Variants in LRRTM4 observed in about 807,000 individuals in gnomAD.
LRRTM4 encodes the protein leucine-rich repeat transmembrane neuronal protein 4.
In LRRTM4, 25 loss-of-function variants were observed where a neutral mutation model predicts 47.6. The ratio of observed to expected loss-of-function variants is 0.53; its 90% CI spans 0.38 to 0.73. The LOEUF is 0.73. Ranked by LOEUF, LRRTM4 falls within the 30% of genes least tolerant of loss-of-function variation. The pLI, the probability that LRRTM4 is intolerant of heterozygous loss-of-function variation, is 0.00. For synonymous variants in LRRTM4, 311 were observed against 269.5 expected, an observed-to-expected ratio of 1.15 and a Z score of -1.51; for missense variants, 638 against 713.4, an observed-to-expected ratio of 0.89 and a Z score of 1.20.
intron 3 of LRRTM4, among the ~76,000 whole-genome samples, chr2:76,963,206 A>T (rs934695634): frequency 6.6e-6 from 1 of 151,010 alleles, no homozygotes; most frequent in African/African-American, 2.4e-5. Context: ...AATGATTACT[A>T]AAAAAGTAAA....
rs139696479 is a variant in LRRTM4, at chr2:77,148,546, G to A, written c.1551+369772C>T. Among the ~76,000 whole-genome samples the A allele has an allele frequency of 1.0e-3, 157 of 152,160 alleles. 2 individuals are homozygous for A. In the East Asian group the frequency reaches 0.03, roughly 29 times the overall value. Reference sequence around the variant, plus strand: ...GTTGCATTTGAACATTATAAATGAAGCCAACCCTTAACTTGTTGCATCTTC... The same window carrying A: ...GTTGCATTTGAACATTATAAATGAAACCAACCCTTAACTTGTTGCATCTTC... On this transcript the variant is annotated intron_variant, in intron 3 of 3. Transcript: ENST00000409884.
chr2:77,255,190 C>T (rs950734234), intron 3 of LRRTM4, among the ~76,000 whole-genome samples: 1 of 151,952 alleles, frequency 6.6e-6, no homozygotes, highest in Non-Finnish European at 1.5e-5. Flanking sequence ...AAAGTCATTA[C>T]ATAGCGATAA....
At chr2:77,070,357 GAC>G (rs1176577301) in intron 3 of LRRTM4, among the ~76,000 whole-genome samples, 4 of 151,980 alleles carry the variant, frequency 2.6e-5, no homozygotes, top group East Asian at 1.9e-4. Flanking sequence ...TTTATTGAGA[GAC>G]AAATTTTCAG....
chr2:77,205,200 G>A (rs1344899267), intron 3 of LRRTM4, among the ~76,000 whole-genome samples: 1 of 152,182 alleles, frequency 6.6e-6, no homozygotes, highest in Admixed American at 6.5e-5. Flanking sequence ...ATGCCCCAGT[G>A]AACATGATAA....
At chr2:76,757,167 C>T (rs1573056051) in intron 3 of LRRTM4, among the ~76,000 whole-genome samples, 1 of 152,056 alleles carries the variant, frequency 6.6e-6, no homozygotes, top group African/African-American at 2.4e-5. Context: ...ACTCAACACA[C>T]TAGATGTTGG....
chr2:77,317,576 C>T (rs1286382174), intron 3 of LRRTM4, among the ~76,000 whole-genome samples: 1 of 151,930 alleles, frequency 6.6e-6, no homozygotes, highest in Non-Finnish European at 1.5e-5. Flanking sequence ...GAAATTTTTC[C>T]CCCATGTGCC....
rs1678326994 is a variant in LRRTM4 at position 77,022,956 on chromosome 2, C to A, written c.1552-274040G>T. On this transcript the variant is annotated intron_variant, in intron 3 of 3. Coordinates refer to ENST00000409884, the MANE Select transcript of LRRTM4 (RefSeq NM_001134745.3). ...ACTCTGTGTGAGGGCTCCAACCCCA[C>A]ATTTCCCTTCTGCACTGCCCTAGCA... 3.3e-5 allele frequency among the ~76,000 whole-genome samples: 5 copies of A among 152,252 alleles called. No homozygotes were observed. The South Asian group carries it at 1.0e-3, about 31-fold the overall frequency.
chr2:76,807,971 T>C (rs1670600938), intron 3 of LRRTM4, among the ~76,000 whole-genome samples: 1 of 141,360 alleles, frequency 7.1e-6, no homozygotes. Context: ...TTTTCTTTCC[T>C]TCCTTCCCTT....
intron 3 of LRRTM4, among the ~76,000 whole-genome samples, chr2:76,796,229 C>T (rs111603675): frequency 1.3e-5 from 1 of 74,662 alleles, no homozygotes; most frequent in Non-Finnish European, 2.3e-5. Context: ...AGGCGGCAGC[C>T]AGGCTGGGGG....
At chr2:76,887,176 C>A (rs4853281) in intron 3 of LRRTM4, among the ~76,000 whole-genome samples, 38,397 of 151,174 alleles carry the variant, frequency 0.25, 5,393 homozygotes, top group African/African-American at 0.36. Flanking sequence ...AAGAAGTATA[C>A]ATTATTCAAA....
intron 3 of LRRTM4, among the ~76,000 whole-genome samples, chr2:77,279,585 T>C (rs1012983281): frequency 1.5e-4 from 23 of 152,066 alleles, no homozygotes; most frequent in African/African-American, 5.3e-4. Context: ...TTAGTACATA[T>C]TGCATTAGCT....
intron 3 of LRRTM4, chr2:77,517,388 T>C: frequency 4.1e-6 from 4 of 983,302 alleles, no homozygotes; most frequent in Non-Finnish European, 4.8e-6. Flanking sequence ...TATTTTTTAA[T>C]AAGTTTAACA....
At chr2:76,853,454 T>C (rs1672057138) in intron 3 of LRRTM4, among the ~76,000 whole-genome samples, 1 of 152,156 alleles carries the variant, frequency 6.6e-6, no homozygotes, top group African/African-American at 2.4e-5. Flanking sequence ...TCTTGCTGAC[T>C]TCTTTTTTAA....
intron 3 of LRRTM4, among the ~76,000 whole-genome samples, chr2:77,406,035 G>C (rs1674168322): frequency 6.6e-6 from 1 of 152,124 alleles, no homozygotes. Context: ...AGAAGTGAAA[G>C]AGTAAATTAA....
chr2:76,807,979 C>CCT (rs1558668300), intron 3 of LRRTM4, among the ~76,000 whole-genome samples: 1 of 143,082 alleles, frequency 7.0e-6, no homozygotes, highest in African/African-American at 2.6e-5. Flanking sequence ...CCTTCCTTCC[C>CCT]TTCTTTCTTT....
intron 3 of LRRTM4, among the ~76,000 whole-genome samples, chr2:77,089,869 G>T (rs2103881378): frequency 6.6e-6 from 1 of 152,252 alleles, no homozygotes; most frequent in South Asian, 2.1e-4. Context: ...CAAACGGTCT[G>T]AGGTGCCTGA....
chr2:76,769,823 A>C (rs997507191), intron 3 of LRRTM4, among the ~76,000 whole-genome samples: 6 of 152,242 alleles, frequency 3.9e-5, no homozygotes, highest in African/African-American at 9.6e-5. Flanking sequence ...TAGGAAAAAT[A>C]GAAGCCCTAT....
At chr2:77,098,022 G>A (rs1412935003) in intron 3 of LRRTM4, among the ~76,000 whole-genome samples, 2 of 151,916 alleles carry the variant, frequency 1.3e-5, no homozygotes, top group Non-Finnish European at 2.9e-5. Flanking sequence ...ACTTAATTGG[G>A]AAATATTATG....
intron 3 of LRRTM4, among the ~76,000 whole-genome samples, chr2:77,327,254 AT>A (rs1573258664): frequency 1.3e-5 from 2 of 152,370 alleles, no homozygotes; most frequent in East Asian, 1.9e-4. Flanking sequence ...GGTATAAAAT[AT>A]AAAAATGCTA....
Sources: gnomAD v4.1 joint callset for allele counts (sites outside exome capture counted in the v4.1 genomes callset) on GRCh38, gnomAD v4.1.1 for gene constraint, MANE v1.5 for transcripts, NCBI Gene and HGNC (gene_info 2026-07-23, HGNC 2026-07-21) for gene names.